GLIS1: variants seen among roughly 807,000 people sequenced by gnomAD.
GLIS1 encodes the protein zinc finger protein GLIS1.
Under a neutral mutation model 63.8 loss-of-function variants are expected in GLIS1, and 24 were observed. The observed-to-expected ratio is 0.38, with a 90% CI of 0.27 to 0.53. The LOEUF is 0.53. GLIS1 is among the 20% of genes least tolerant of loss of function. The probability of loss-of-function intolerance (pLI) is 0.85; values close to 1 mark genes in which losing one functional copy is unlikely to be tolerated. For missense variants in GLIS1, 1,036 were observed against 1,074.1 expected (o/e 0.96, Z 0.50); for synonymous variants, 450 against 482.5 (o/e 0.93, Z 0.88).
intron 4 of GLIS1, among the ~76,000 whole-genome samples, chr1:53,593,467 G>A (rs182091604): frequency 1.3e-5 from 2 of 152,232 alleles, no homozygotes; most frequent in African/African-American, 2.4e-5. Flanking sequence ...GTGTGTGCAC[G>A]TGCGCATGTA....
intron 2 of GLIS1, among the ~76,000 whole-genome samples, chr1:53,652,382 AG>A (rs1041098052): frequency 6.6e-6 from 1 of 152,094 alleles, no homozygotes; most frequent in African/African-American, 2.4e-5. Context: ...TCTCAGGCCC[AG>A]GGGTGAGTCC....
intron 2 of GLIS1, among the ~76,000 whole-genome samples, chr1:53,636,799 T>C (rs1645725840): frequency 6.6e-6 from 1 of 152,194 alleles, no homozygotes; most frequent in African/African-American, 2.4e-5. Flanking sequence ...TCACCTGCAT[T>C]TTCTGACTCA....
In GLIS1 at chr1:53,539,037, A is replaced by G. The variant is rs747968768; in HGVS notation, c.1321-9085T>C. Among the ~76,000 whole-genome samples, 4 of 152,010 alleles carry G rather than the reference A, an allele frequency of 2.6e-5. No homozygotes were observed. Among genetic ancestry groups the G allele is most frequent in the African/African-American group, 4.8e-5 (2 of 41,350 alleles). ...TCCCAGTGCAGAGCTGTGGCTAGAC[A>G]TCGTCTGGAATGAGGAAAGAGGCTC... On this transcript the variant is annotated intron_variant, in intron 4 of 10. Transcript: ENST00000628545. This position sits in a 1 kb window ranked among gnomAD's most constrained non-coding sequence, Gnocchi z 5.0.
intron 4 of GLIS1, among the ~76,000 whole-genome samples, chr1:53,576,249 C>T (rs955386336): frequency 2.0e-5 from 3 of 150,218 alleles, no homozygotes; most frequent in Non-Finnish European, 4.5e-5. Flanking sequence ...CCTCTCTCCT[C>T]CATCCTCCTC....
At position 53,598,483 on chromosome 1, in the gene GLIS1, C is replaced by T. The variant is rs574719192; in HGVS notation, c.437+1618G>A. On this transcript the variant is annotated intron_variant, in intron 3 of 10. Coordinates refer to ENST00000628545, the MANE Select transcript of GLIS1 (RefSeq NM_001367484.1). This position sits in a 1 kb window ranked among gnomAD's most constrained non-coding sequence, Gnocchi z 4.6. ...CTGGGAGGTGGAGGCTGCAGCGAGC[C>T]AACATTGTGCCACTGCACTCCAGCC... 6.6e-6 allele frequency among the ~76,000 whole-genome samples: 1 copy of T among 151,860 alleles called. No homozygotes were observed. The highest frequency in any genetic ancestry group is 2.1e-4 in the South Asian group (1 of 4,786).
intron 8 of GLIS1, among the ~76,000 whole-genome samples, chr1:53,513,159 G>A (rs925731026): frequency 2.0e-5 from 3 of 151,956 alleles, no homozygotes; most frequent in Non-Finnish European, 4.4e-5. Flanking sequence ...GCTCATCCCT[G>A]AGGCCTCCTC....
intron 2 of GLIS1, among the ~76,000 whole-genome samples, chr1:53,650,887 T>G (rs1645899859): frequency 6.6e-6 from 1 of 152,210 alleles, no homozygotes; most frequent in African/African-American, 2.4e-5. Flanking sequence ...CAGCCTCTAA[T>G]AAAACCTCCT....
At chr1:53,644,907 C>G (rs758665844) in intron 2 of GLIS1, among the ~76,000 whole-genome samples, 3 of 152,196 alleles carry the variant, frequency 2.0e-5, no homozygotes, top group Non-Finnish European at 4.4e-5. Flanking sequence ...TGAAAGCAGA[C>G]TGTCTCGCTT....
chr1:53,645,246 T>C (rs998828619), intron 2 of GLIS1, among the ~76,000 whole-genome samples: 1 of 152,164 alleles, frequency 6.6e-6, no homozygotes, highest in African/African-American at 2.4e-5. Context: ...CATTGGGGCC[T>C]TTCCTGGTCG....
At chr1:53,693,704 A>G (rs567101535) in intron 2 of GLIS1, among the ~76,000 whole-genome samples, 8 of 152,224 alleles carry the variant, frequency 5.3e-5, no homozygotes, top group African/African-American at 1.4e-4. Context: ...CTCTGGCGGC[A>G]CTGAAGAGGG....
intron 4 of GLIS1, among the ~76,000 whole-genome samples, chr1:53,590,648 G>A (rs1645182005): frequency 6.6e-6 from 1 of 152,168 alleles, no homozygotes; most frequent in East Asian, 1.9e-4. Flanking sequence ...TGGGTTGGAC[G>A]GGTAACCTTG....
At chr1:53,714,244 T>C (rs1437459359) in intron 2 of GLIS1, among the ~76,000 whole-genome samples, 1 of 152,090 alleles carries the variant, frequency 6.6e-6, no homozygotes, top group Non-Finnish European at 1.5e-5. Context: ...AGCTGCAAAA[T>C]TACCAGAAGC....
At chr1:53,711,663 A>G (rs1646648285) in intron 2 of GLIS1, among the ~76,000 whole-genome samples, 1 of 152,226 alleles carries the variant, frequency 6.6e-6, no homozygotes, top group Admixed American at 6.5e-5. Flanking sequence ...GGAGATCACA[A>G]TAGGGAAAAG....
At chr1:53,543,458 G>A (rs1439293981) in intron 4 of GLIS1, among the ~76,000 whole-genome samples, 1 of 151,856 alleles carries the variant, frequency 6.6e-6, no homozygotes. Flanking sequence ...AGGAGTGAGA[G>A]CAGCAGTGGG....
At chr1:53,692,007 G>A (rs1225336960) in intron 2 of GLIS1, among the ~76,000 whole-genome samples, 1 of 152,060 alleles carries the variant, frequency 6.6e-6, no homozygotes, top group African/African-American at 2.4e-5. Flanking sequence ...ATCTAACCTG[G>A]AGACAGTGTC....
At chr1:53,726,328 T>C (rs1168081527) in intron 2 of GLIS1, among the ~76,000 whole-genome samples, 5 of 152,048 alleles carry the variant, frequency 3.3e-5, no homozygotes, top group Admixed American at 2.0e-4. Context: ...ATCTGCAAAA[T>C]AAGGATGCTA....
At chr1:53,712,118 C>A (rs1646653469) in intron 2 of GLIS1, among the ~76,000 whole-genome samples, 1 of 152,178 alleles carries the variant, frequency 6.6e-6, no homozygotes, top group African/African-American at 2.4e-5. Context: ...CATTCTGGCC[C>A]ATCTCTGCTC....
At chr1:53,725,770 T>A (rs1389421193) in intron 2 of GLIS1, among the ~76,000 whole-genome samples, 3 of 152,132 alleles carry the variant, frequency 2.0e-5, no homozygotes, top group Non-Finnish European at 4.4e-5. Context: ...TCTACATACT[T>A]CATCCCATCT....
Position 53,700,305 on chromosome 1 carries a change from T to C in GLIS1, c.259+37501A>G, listed in dbSNP as rs1482105870. 5.9e-5 allele frequency among the ~76,000 whole-genome samples: 7 copies of C among 119,016 alleles called. No homozygotes were observed. The East Asian group carries it at 2.3e-3, about 39-fold the overall frequency. The allele number at this position is 119,016 out of a possible 152,430, so 78.1% of individuals were successfully genotyped here. ...TGTGCCACAGAGTCTCTCCTCCTCC[T>C]TTTCTCCCTGTTTTCAGGTAAGGAA... is the stretch of plus-strand genomic sequence containing the variant. On this transcript the variant is annotated intron_variant, in intron 2 of 10. Transcript: ENST00000628545.
Sources: gnomAD v4.1 joint callset for allele counts (sites outside exome capture counted in the v4.1 genomes callset) on GRCh38, gnomAD v4.1.1 for gene constraint, Gnocchi (gnomAD v3.1) non-coding constraint, MANE v1.5 for transcripts, NCBI Gene and HGNC (gene_info 2026-07-23, HGNC 2026-07-21) for gene names.